The following RNF157 variants were observed in gnomAD, a reference collection of about 807,000 sequenced individuals.
The protein encoded by RNF157 is ring finger protein 157.
In RNF157, 55 loss-of-function variants were observed where a neutral mutation model predicts 88.3. That is an observed-to-expected ratio of 0.62 (90% CI 0.50 to 0.78). The LOEUF is 0.78. Ranked by LOEUF, RNF157 falls within the 30% of genes least tolerant of loss-of-function variation. The pLI is 0.00. For synonymous variants in RNF157, 334 were observed against 341.2 expected, an observed-to-expected ratio of 0.98 and a Z score of 0.23; for missense variants, 788 against 860.8, an observed-to-expected ratio of 0.92 and a Z score of 1.06.
At chr17:76,171,956 G>T (rs565388518) in intron 3 of RNF157, among the ~76,000 whole-genome samples, 1 of 152,220 alleles carries the variant, frequency 6.6e-6, no homozygotes, top group South Asian at 2.1e-4. Flanking sequence ...CATATGTGAT[G>T]AGAGAAACCA....
chr17:76,228,308 C>A (rs1049751160), intron 1 of RNF157, among the ~76,000 whole-genome samples: 2 of 152,148 alleles, frequency 1.3e-5, no homozygotes, highest in Non-Finnish European at 2.9e-5. Context: ...CAACCCTGTA[C>A]CCTTCTTCCT....
At chr17:76,230,365 A>G (rs1407089672) in intron 1 of RNF157, among the ~76,000 whole-genome samples, 1 of 152,212 alleles carries the variant, frequency 6.6e-6, no homozygotes, top group Non-Finnish European at 1.5e-5. Context: ...TTCTCTGGTC[A>G]CCCAGGCTAA....
intron 13 of RNF157, 164 bp from the exon 14 acceptor site, chr17:76,156,485 T>G: frequency 7.0e-7 from 1 of 1,427,516 alleles, no homozygotes; most frequent in Non-Finnish European, 9.1e-7. Context: ...CCGTCCTCAC[T>G]TCAGCCCAAG....
chr17:76,205,133 CT>C (rs766237504), intron 2 of RNF157, among the ~76,000 whole-genome samples: 1 of 150,702 alleles, frequency 6.6e-6, no homozygotes, highest in Non-Finnish European at 1.5e-5. Context: ...CTTTTCTTTT[CT>C]TTTTTTCTTT....
chr17:76,193,842 G>C (rs2069427229), intron 2 of RNF157, among the ~76,000 whole-genome samples: 1 of 152,168 alleles, frequency 6.6e-6, no homozygotes, highest in South Asian at 2.1e-4. Flanking sequence ...TTTCAGATCT[G>C]AGATTAGCGC....
rs1404608091 is a variant in RNF157 at position 76,154,297 on chromosome 17, G to C, written c.1796C>G (p.Ser599Ter). ...TCTTTTACCACCTTCCTGCGTGGGT[G>C]ATCCATCCTCTTCCTCTATAACATC... ...GNDVIEEEDG[S>*]PTQEGQRTCA... Residue 599 changes from serine to a stop codon, truncating the protein, a stop_gained, in exon 17 of 19, where the codon TCA (serine) becomes TGA (stop). Transcript: ENST00000269391. LOFTEE classifies it high-confidence loss of function. 6.2e-7 allele frequency: 1 copy of C among 1,611,674 alleles called. No homozygotes were observed. The highest frequency in any genetic ancestry group is 1.1e-5 in the South Asian group (1 of 91,034).
Position 76,156,477 on chromosome 17 carries a change from G to A in RNF157, c.1414-156C>T, listed in dbSNP as rs374567039. ...GCAGAGGCCGCAGCTTCTCTCTTCC[G>A]TCCTCACTTCAGCCCAAGCCTGGAA... On this transcript the variant is annotated intron_variant, in intron 13 of 18. Transcript: ENST00000269391. The A allele has an allele frequency of 4.2e-5, 61 of 1,437,316 alleles. 1 individual carries two copies. In the Middle Eastern group the frequency reaches 1.6e-3, roughly 39 times the overall value. 89.0% of individuals were successfully genotyped at this position (1,437,316 alleles called of 1,614,324 possible).
At chr17:76,184,500 G>A (rs181784356) in intron 2 of RNF157, among the ~76,000 whole-genome samples, 3 of 152,248 alleles carry the variant, frequency 2.0e-5, no homozygotes, top group East Asian at 1.9e-4. Flanking sequence ...GAGCAGCTTC[G>A]TATTTGCTTG....
chr17:76,189,950 C>A (rs1486399256), intron 2 of RNF157, among the ~76,000 whole-genome samples: 2 of 152,184 alleles, frequency 1.3e-5, no homozygotes, highest in Non-Finnish European at 2.9e-5. Context: ...TCCTCCAGCC[C>A]TGTAGACCTT....
At chr17:76,216,598 T>C (rs986875346) in intron 1 of RNF157, among the ~76,000 whole-genome samples, 7 of 151,598 alleles carry the variant, frequency 4.6e-5, no homozygotes, top group Non-Finnish European at 1.0e-4. Flanking sequence ...TTAAAAATAA[T>C]AATAATAATA....
chr17:76,188,263 T>G (rs1043457799), intron 2 of RNF157, among the ~76,000 whole-genome samples: 2 of 152,138 alleles, frequency 1.3e-5, no homozygotes, highest in African/African-American at 4.8e-5. Flanking sequence ...GCCTCCTACC[T>G]GGGATCACTC....
At chr17:76,148,152 G>A (rs2068613429) in intron 18 of RNF157, among the ~76,000 whole-genome samples, 1 of 151,960 alleles carries the variant, frequency 6.6e-6, no homozygotes, top group Admixed American at 6.5e-5. Context: ...TTCAATTTCA[G>A]GTCTCCACAA....
intron 18 of RNF157, among the ~76,000 whole-genome samples, chr17:76,150,623 A>G (rs959605544): frequency 7.8e-5 from 10 of 127,542 alleles, no homozygotes; most frequent in Middle Eastern, 3.7e-3. Flanking sequence ...CAGCTAAGAA[A>G]GAGACATCAT....
chr17:76,149,890 C>T lies in RNF157; in HGVS notation c.1921+2465G>A, dbSNP rs546569096. Among the ~76,000 whole-genome samples the T allele has an allele frequency of 4.6e-5, 7 of 152,094 alleles. No individual in the cohort carries two copies. The East Asian group carries it at 1.2e-3, about 25-fold the overall frequency. ...CTCTGCTAAAAATACAAAAATTAGC[C>T]GGGCGTGGTGGCGGGCGCCTGTAAT... is the stretch of plus-strand genomic sequence containing the variant. On this transcript the variant is annotated intron_variant, in intron 18 of 18. Coordinates refer to ENST00000269391, the MANE Select transcript of RNF157 (RefSeq NM_052916.3).
chr17:76,210,380 T>TTAG (rs1568065608), intron 2 of RNF157, among the ~76,000 whole-genome samples: 5 of 150,362 alleles, frequency 3.3e-5, no homozygotes, highest in Admixed American at 1.3e-4. Flanking sequence ...GATCACGAGG[T>TTAG]CAGATCGAGA....
chr17:76,198,246 T>C (rs2069510525), intron 2 of RNF157, among the ~76,000 whole-genome samples: 1 of 152,090 alleles, frequency 6.6e-6, no homozygotes, highest in Non-Finnish European at 1.5e-5. Context: ...GGTGTTGGAA[T>C]ACAAAGTTGG....
intron 18 of RNF157, among the ~76,000 whole-genome samples, chr17:76,148,911 A>G (rs1443681859): frequency 6.6e-6 from 1 of 152,114 alleles, no homozygotes; most frequent in Non-Finnish European, 1.5e-5. Context: ...CAGGGCCTTC[A>G]TAGAACTATC....
chr17:76,209,765 T>A (rs1189770080), intron 2 of RNF157, among the ~76,000 whole-genome samples: 4 of 152,098 alleles, frequency 2.6e-5, no homozygotes, highest in Non-Finnish European at 4.4e-5. Flanking sequence ...TTCATTTTTG[T>A]TTTTGTTTTT....
intron 2 of RNF157, among the ~76,000 whole-genome samples, chr17:76,185,020 C>T (rs77514428): frequency 0.011 from 1,708 of 152,300 alleles, 39 homozygotes; most frequent in African/African-American, 0.039. Flanking sequence ...AAACCTACCA[C>T]AGAGTAAAGA....
Sources: gnomAD v4.1 joint callset for allele counts (sites outside exome capture counted in the v4.1 genomes callset) on GRCh38, gnomAD v4.1.1 for gene constraint, MANE v1.5 for transcripts, NCBI Gene and HGNC (gene_info 2026-07-23, HGNC 2026-07-21) for gene names.